Variants in GIGYF2 observed in about 807,000 individuals in gnomAD.
The protein encoded by GIGYF2 is GRB10 interacting GYF protein 2.
In GIGYF2, 25 loss-of-function variants were observed where a neutral mutation model predicts 208.1. The observed-to-expected ratio is 0.12, with a 90% CI of 0.09 to 0.17. GIGYF2 has a LOEUF of 0.17. GIGYF2 is among the 10% of genes least tolerant of loss of function. The pLI, the probability that GIGYF2 is intolerant of heterozygous loss-of-function variation, is 1.00. For synonymous variants in GIGYF2, 534 were observed against 543.8 expected, an observed-to-expected ratio of 0.98 and a Z score of 0.25; for missense variants, 1,302 against 1,579.4, an observed-to-expected ratio of 0.82 and a Z score of 2.98.
At chr2:232,805,293 CGTG>C (rs1700526407) in intron 14 of GIGYF2, among the ~76,000 whole-genome samples, 2 of 152,084 alleles carry the variant, frequency 1.3e-5, no homozygotes, top group South Asian at 2.1e-4. Flanking sequence ...TGGTCTATCA[CGTG>C]GTGGTTACGT....
Position 232,701,136 on chromosome 2 carries a change from TG to T in GIGYF2, c.-109-2287del, listed in dbSNP as rs773777821. 4.6e-5 allele frequency among the ~76,000 whole-genome samples: 7 copies of T among 152,140 alleles called. No individual in the cohort carries two copies. In the East Asian group the frequency reaches 5.8e-4, roughly 13 times the overall value. On this transcript the variant is annotated intron_variant, in intron 1 of 28. Transcript: ENST00000373563. ...AGAAAGAGGTTTGAAAAACAAAGAA[TG>T]TTCTCTTAATTGACCAAACTTCATT...
intron 25 of GIGYF2, 25 bp downstream of exon 25, chr2:232,844,599 A>G (rs771643968): frequency 2.2e-5 from 34 of 1,520,204 alleles, no homozygotes; most frequent in South Asian, 6.8e-5. Context: ...GACCACACCT[A>G]TGCACCTTGG....
intron 6 of GIGYF2, among the ~76,000 whole-genome samples, chr2:232,759,547 G>A (rs11897789): frequency 0.1 from 15,246 of 152,070 alleles, 1,100 homozygotes; most frequent in African/African-American, 0.19. Context: ...ATTTTTATAT[G>A]CATCATTCTT....
chr2:232,731,564 A>C (rs1697498157), intron 2 of GIGYF2, among the ~76,000 whole-genome samples: 2 of 152,214 alleles, frequency 1.3e-5, no homozygotes, highest in Admixed American at 6.5e-5. Flanking sequence ...TAGTCTCTTC[A>C]TCTCTGTTTG....
At chr2:232,745,610 A>G (rs1267515727) in intron 3 of GIGYF2, among the ~76,000 whole-genome samples, 2 of 152,198 alleles carry the variant, frequency 1.3e-5, no homozygotes, top group Non-Finnish European at 2.9e-5. Context: ...TTCTTGTATT[A>G]AGCAGTATTA....
At chr2:232,757,854 C>T in intron 6 of GIGYF2, among the ~76,000 whole-genome samples, 1 of 144,308 alleles carries the variant, frequency 6.9e-6, no homozygotes, top group Non-Finnish European at 1.5e-5. Context: ...TTGAATTTCT[C>T]CTTGCTTTTT....
intron 2 of GIGYF2, among the ~76,000 whole-genome samples, chr2:232,733,411 G>A (rs1263697200): frequency 6.6e-6 from 1 of 152,164 alleles, no homozygotes; most frequent in Non-Finnish European, 1.5e-5. Flanking sequence ...CACAGGGCTG[G>A]AAGTACCTTT....
intron 3 of GIGYF2, chr2:232,735,700 C>G (rs1697704305): frequency 1.0e-6 from 1 of 989,836 alleles, no homozygotes; most frequent in Non-Finnish European, 1.2e-6. Context: ...TAACAGTAGC[C>G]TATCTAGGAT....
At chr2:232,819,801 C>A (rs765300693) in intron 20 of GIGYF2, 26 bp from the exon 21 acceptor site, 4 of 327,924 alleles carry the variant, frequency 1.2e-5, no homozygotes, top group Non-Finnish European at 1.2e-5. Context: ...CTCCCCCACC[C>A]CCCACCCTCC....
chr2:232,745,054 C>T (rs1698100572), intron 3 of GIGYF2, among the ~76,000 whole-genome samples: 1 of 152,112 alleles, frequency 6.6e-6, no homozygotes, highest in Non-Finnish European at 1.5e-5. Context: ...CCCAACTTTA[C>T]AGGAATCTAA....
chr2:232,819,068 G>A (rs1211909916), intron 20 of GIGYF2, among the ~76,000 whole-genome samples: 2 of 151,698 alleles, frequency 1.3e-5, no homozygotes, highest in Non-Finnish European at 2.9e-5. Context: ...TCACTTGAAA[G>A]GATCCACTCT....
intron 6 of GIGYF2, 150 bp from the exon 7 acceptor site, chr2:232,760,330 A>C: frequency 1.5e-6 from 1 of 655,208 alleles, no homozygotes; most frequent in Non-Finnish European, 2.8e-6. Context: ...TGTTGGTCTC[A>C]TAAGTCAAGA....
chr2:232,848,358 A>C (rs1186838430), intron 27 of GIGYF2, among the ~76,000 whole-genome samples: 1 of 152,154 alleles, frequency 6.6e-6, no homozygotes, highest in Non-Finnish European at 1.5e-5. Flanking sequence ...TTACACAGCG[A>C]AATCTGGTGG....
chr2:232,750,337 G>A (rs1024158190), intron 5 of GIGYF2, among the ~76,000 whole-genome samples: 1 of 152,158 alleles, frequency 6.6e-6, no homozygotes, highest in Admixed American at 6.5e-5. Context: ...TAAAAACTGA[G>A]CCCTAGGAAT....
intron 1 of GIGYF2, among the ~76,000 whole-genome samples, chr2:232,701,500 A>G (rs11688166): frequency 0.72 from 108,075 of 149,788 alleles, 39,703 homozygotes; most frequent in East Asian, 0.89. Context: ...TGCAATCACC[A>G]CTGACTGTAA....
intron 8 of GIGYF2, among the ~76,000 whole-genome samples, chr2:232,762,478 C>A (rs1698784828): frequency 6.6e-6 from 1 of 151,892 alleles, no homozygotes; most frequent in Non-Finnish European, 1.5e-5. Context: ...ATCTTGAACT[C>A]CTGACCTCGT....
intron 2 of GIGYF2, among the ~76,000 whole-genome samples, chr2:232,703,881 T>C (rs183594896): frequency 6.6e-6 from 1 of 152,318 alleles, no homozygotes; most frequent in Admixed American, 6.5e-5. Context: ...CTCTCTTGTC[T>C]CTTTTTGTCC....
chr2:232,758,438 T>G (rs1229390856), intron 6 of GIGYF2, among the ~76,000 whole-genome samples: 1 of 152,200 alleles, frequency 6.6e-6, no homozygotes, highest in African/African-American at 2.4e-5. Flanking sequence ...AAAGGAAGTA[T>G]GTTTTAATTC....
At chr2:232,822,605 C>T (rs1256922513) in intron 21 of GIGYF2, among the ~76,000 whole-genome samples, 1 of 151,690 alleles carries the variant, frequency 6.6e-6, no homozygotes, top group Non-Finnish European at 1.5e-5. Flanking sequence ...TGCTTGAACG[C>T]GGGAGGCGGA....
Sources: allele counts gnomAD v4.1 joint callset (sites outside exome capture counted in the v4.1 genomes callset), GRCh38; gene constraint gnomAD v4.1.1; transcripts MANE v1.5; gene names NCBI Gene and HGNC (gene_info 2026-07-23, HGNC 2026-07-21).